Variants in CADPS2 observed in about 807,000 individuals in gnomAD.
The protein encoded by CADPS2 is calcium dependent secretion activator 2, also known as calcium-dependent secretion activator 2.
CADPS2 carries 93 observed loss-of-function variants against 172.5 expected under a neutral mutation model. That is an observed-to-expected ratio of 0.54 (90% CI 0.46 to 0.64). CADPS2 has a LOEUF of 0.64. Among genes scored for constraint, CADPS2 ranks in the 30% least tolerant of loss-of-function variants. CADPS2 has a pLI of 0.00. For synonymous variants in CADPS2, 546 were observed against 555.2 expected (o/e 0.98, Z 0.23); for missense variants, 1,420 against 1,565.9 (o/e 0.91, Z 1.57).
intron 2 of CADPS2, among the ~76,000 whole-genome samples, chr7:122,720,857 A>G (rs1283466747): frequency 6.6e-6 from 1 of 151,884 alleles, no homozygotes; most frequent in Non-Finnish European, 1.5e-5. Flanking sequence ...TACCGACATA[A>G]AGCTGGGGTG....
At chr7:122,841,172 A>T (rs919843764) in intron 1 of CADPS2, among the ~76,000 whole-genome samples, 2 of 152,136 alleles carry the variant, frequency 1.3e-5, no homozygotes, top group Admixed American at 1.3e-4. Flanking sequence ...CAAACTATCA[A>T]ATTTGTTGAC....
intron 8 of CADPS2, among the ~76,000 whole-genome samples, chr7:122,549,285 C>T (rs2063955363): frequency 6.6e-6 from 1 of 152,054 alleles, no homozygotes; most frequent in Non-Finnish European, 1.5e-5. Flanking sequence ...ACAGCTAACT[C>T]AATACTTACT....
intron 14 of CADPS2, among the ~76,000 whole-genome samples, chr7:122,457,793 T>C (rs1179329758): frequency 2.0e-5 from 3 of 152,222 alleles, no homozygotes; most frequent in Non-Finnish European, 4.4e-5. Context: ...GAGGGATAAA[T>C]GTGTTTATAA....
intron 28 of CADPS2, among the ~76,000 whole-genome samples, chr7:122,336,592 T>C (rs1424381075): frequency 1.3e-5 from 2 of 152,224 alleles, no homozygotes; most frequent in Non-Finnish European, 2.9e-5. Flanking sequence ...GCTCAACATG[T>C]TCCTTATAAT....
At chr7:122,854,308 C>T (rs1382966661) in intron 1 of CADPS2, among the ~76,000 whole-genome samples, 3 of 152,032 alleles carry the variant, frequency 2.0e-5, no homozygotes, top group African/African-American at 7.2e-5. Flanking sequence ...GAGGTTGAGG[C>T]TGTAGTGAGC....
chr7:122,366,487 C>T (rs1290675667), intron 25 of CADPS2, among the ~76,000 whole-genome samples: 1 of 150,064 alleles, frequency 6.7e-6, no homozygotes, highest in Admixed American at 6.6e-5. Flanking sequence ...CGCCTGAAAT[C>T]CCAGCTACTC....
At chr7:122,672,474 G>A (rs1379764673) in intron 2 of CADPS2, among the ~76,000 whole-genome samples, 1 of 152,136 alleles carries the variant, frequency 6.6e-6, no homozygotes, top group Non-Finnish European at 1.5e-5. Context: ...AGCTCTTCCT[G>A]TATTAACTCC....
At chr7:122,380,466 AT>A (rs200981819) in intron 24 of CADPS2, among the ~76,000 whole-genome samples, 7,848 of 145,610 alleles carry the variant, frequency 0.054, 637 homozygotes, top group African/African-American at 0.18. Context: ...TTTGAAAGCT[AT>A]TTTTTTTTTT....
At chr7:122,508,971 C>T (rs1485911691) in intron 9 of CADPS2, among the ~76,000 whole-genome samples, 3 of 152,004 alleles carry the variant, frequency 2.0e-5, no homozygotes, top group African/African-American at 4.8e-5. Flanking sequence ...AATTTTAATC[C>T]CATTTAAAGC....
chr7:122,704,148 A>C (rs1486134710), intron 2 of CADPS2, among the ~76,000 whole-genome samples: 1 of 152,150 alleles, frequency 6.6e-6, no homozygotes, highest in Non-Finnish European at 1.5e-5. Flanking sequence ...ATTTAATCAT[A>C]GACATGATAG....
intron 7 of CADPS2, among the ~76,000 whole-genome samples, chr7:122,563,857 C>T (rs2066066866): frequency 1.3e-5 from 2 of 152,042 alleles, no homozygotes; most frequent in Admixed American, 6.6e-5. Flanking sequence ...AAATTAAAAA[C>T]CAACTACAGG....
rs564419161 is a variant in CADPS2 at position 122,671,583 on chromosome 7, AC to A, written c.454-8015del. 1.2e-4 allele frequency among the ~76,000 whole-genome samples: 18 copies of A among 152,114 alleles called. No individual in the cohort carries two copies. The South Asian group carries it at 3.7e-3, about 32-fold the overall frequency. On this transcript the variant is annotated intron_variant, in intron 2 of 29. Coordinates refer to ENST00000449022, the MANE Select transcript of CADPS2 (RefSeq NM_017954.11). ...ATCGCTTAAAAAAAAAACTACTACT[AC>A]TACTAAAAATAATGTTGCAGAGGAA...
intron 2 of CADPS2, among the ~76,000 whole-genome samples, chr7:122,716,147 A>G (rs926881401): frequency 1.3e-5 from 2 of 152,132 alleles, no homozygotes; most frequent in African/African-American, 2.4e-5. Context: ...TTGTCAATTA[A>G]AATATTAATT....
At chr7:122,874,492 C>T (rs1013412246) in intron 1 of CADPS2, among the ~76,000 whole-genome samples, 1 of 152,190 alleles carries the variant, frequency 6.6e-6, no homozygotes, top group Non-Finnish European at 1.5e-5. Context: ...CTATCTCCAT[C>T]AAGCTACCAT....
Position 122,625,726 on chromosome 7 carries a change from C to G in CADPS2, c.867+3522G>C, listed in dbSNP as rs75060895. On this transcript the variant is annotated intron_variant, in intron 4 of 29. Coordinates refer to ENST00000449022, the MANE Select transcript of CADPS2 (RefSeq NM_017954.11). The stretch of plus-strand genomic sequence containing the variant: ...TTCTGGACTTGCCAGTGCCCACAGC[C>G]GTGGGAGCCAATTCCTTGAACGCAA... 3.3e-5 allele frequency among the ~76,000 whole-genome samples: 5 copies of G among 152,048 alleles called. No individual in the cohort carries two copies. In the East Asian group the frequency reaches 9.7e-4, roughly 30 times the overall value.
chr7:122,437,269 C>T (rs1474751098), intron 17 of CADPS2, among the ~76,000 whole-genome samples: 1 of 152,006 alleles, frequency 6.6e-6, no homozygotes, highest in Admixed American at 6.6e-5. Flanking sequence ...TTGTTACTCT[C>T]GTGATATAAT....
At chr7:122,379,288 T>G in intron 25 of CADPS2, 80 bp downstream of exon 25, 1 of 890,616 alleles carries the variant, frequency 1.1e-6, no homozygotes, top group Non-Finnish European at 1.7e-6. Context: ...TTTTCTCAAT[T>G]AGATATTTAA....
intron 7 of CADPS2, among the ~76,000 whole-genome samples, chr7:122,563,352 T>C (rs1232611483): frequency 6.6e-6 from 1 of 152,306 alleles, no homozygotes; most frequent in African/African-American, 2.4e-5. Flanking sequence ...AGTCTGATTA[T>C]AATAATGCTT....
chr7:122,663,625 G>A, intron 2 of CADPS2, 56 bp from the exon 3 acceptor site: 3 of 1,292,824 alleles, frequency 2.3e-6, no homozygotes, highest in Non-Finnish European at 3.2e-6. Flanking sequence ...AGGTGTAGAT[G>A]CTAACACCAC....
Sources: gnomAD v4.1 joint callset for allele counts (sites outside exome capture counted in the v4.1 genomes callset) on GRCh38, gnomAD v4.1.1 for gene constraint, MANE v1.5 for transcripts, NCBI Gene and HGNC (gene_info 2026-07-23, HGNC 2026-07-21) for gene names.